The following CAST variants were observed in gnomAD, a reference collection of about 807,000 sequenced individuals.
The protein encoded by CAST is MIR583 host.
A neutral mutation model predicts 119.6 loss-of-function variants in CAST; 76 were observed. The ratio of observed to expected loss-of-function variants is 0.64; its 90% CI spans 0.53 to 0.77. CAST has a LOEUF of 0.77. Ranked by LOEUF, CAST falls within the 30% of genes least tolerant of loss-of-function variation. CAST has a pLI of 0.00. For missense variants in CAST, 953 were observed against 946.5 expected, an observed-to-expected ratio of 1.01 and a Z score of -0.09; for synonymous variants, 319 against 331.6, an observed-to-expected ratio of 0.96 and a Z score of 0.41.
the CAST span, among the ~76,000 whole-genome samples, chr5:96,431,442 C>G: frequency 6.6e-6 from 1 of 152,186 alleles, no homozygotes; most frequent in Non-Finnish European, 1.5e-5. Flanking sequence ...TCAAGTACAA[C>G]TTCTATGATT....
the CAST span, among the ~76,000 whole-genome samples, chr5:96,050,808 C>G: frequency 1.3e-5 from 2 of 152,140 alleles, no homozygotes; most frequent in Non-Finnish European, 2.9e-5. Flanking sequence ...AGTAGGAAGA[C>G]AAGGGAGACC....
Position 96,640,516 on chromosome 5 carries a change from C to T in CAST, c.61-35023C>T, listed in dbSNP as rs957094245. ...CATCAGGCCTTGTTCTTCAGCATGA[C>T]AAAATGTCCTGCTTCTTGCCTCTGT... On this transcript the variant is annotated intron_variant, in intron 1 of 11. Coordinates refer to the CAST transcript ENST00000505143. Among the ~76,000 whole-genome samples the T allele has an allele frequency of 4.6e-5, 7 of 152,156 alleles. No homozygotes were observed. In the South Asian group the frequency reaches 6.2e-4, roughly 14 times the overall value.
In CAST at chr5:96,750,800, C is replaced by G; in HGVS notation, c.1524+118C>G. On this transcript the variant is annotated intron_variant, in intron 20 of 31. Coordinates refer to ENST00000675179, the MANE Select transcript of CAST (RefSeq NM_001750.7). Reference sequence around the variant, plus strand: ...TATCCTGACAAATTAAAAATAAAATCTGATATCATTATAGTATCTGTTGTT... The same window carrying G: ...TATCCTGACAAATTAAAAATAAAATGTGATATCATTATAGTATCTGTTGTT... The G allele has an allele frequency of 8.8e-6, 5 of 566,826 alleles. No individual in the cohort carries two copies. The Middle Eastern group carries it at 1.4e-3, about 154-fold the overall frequency. The allele number at this position is 566,826 out of a possible 1,614,324, so 35.1% of individuals were successfully genotyped here. A position where few individuals can be genotyped will look rare whatever the true frequency, so the allele number is the denominator to read the frequency against.
intron 3 of CAST, among the ~76,000 whole-genome samples, chr5:96,720,079 G>T (rs1426384594): frequency 6.6e-6 from 1 of 152,146 alleles, no homozygotes; most frequent in African/African-American, 2.4e-5. Context: ...ATACGGGCAG[G>T]GACATGCCTA....
chr5:96,256,370 A>T, the CAST span, among the ~76,000 whole-genome samples: 1 of 147,414 alleles, frequency 6.8e-6, no homozygotes, highest in Non-Finnish European at 1.5e-5. Context: ...AATATACAGT[A>T]ATATATATAT....
intron 1 of CAST, among the ~76,000 whole-genome samples, chr5:96,568,622 C>T (rs1301689806): frequency 6.8e-6 from 1 of 146,066 alleles, no homozygotes; most frequent in Non-Finnish European, 1.5e-5. Context: ...ATCTTTAATA[C>T]TGAGGGAGTT....
At chr5:96,238,694 C>G in the CAST span, among the ~76,000 whole-genome samples, 14 of 152,114 alleles carry the variant, frequency 9.2e-5, no homozygotes, top group Non-Finnish European at 1.8e-4. Flanking sequence ...GCCACCGCGC[C>G]CAGCCTATAT....
At chr5:96,757,745 C>A in intron 24 of CAST, 91 bp downstream of exon 24, 1 of 811,220 alleles carries the variant, frequency 1.2e-6, no homozygotes. Context: ...GGCGGGAGTA[C>A]AGTGGTGCCA....
the CAST span, among the ~76,000 whole-genome samples, chr5:96,350,974 C>T: frequency 6.6e-6 from 1 of 152,232 alleles, no homozygotes; most frequent in Non-Finnish European, 1.5e-5. Context: ...ATGCATTTTT[C>T]TGTGGTCTGA....
chr5:96,638,266 C>A (rs534427444), intron 1 of CAST, among the ~76,000 whole-genome samples: 2 of 151,936 alleles, frequency 1.3e-5, no homozygotes, highest in African/African-American at 4.8e-5. Context: ...ATTAGCCAGC[C>A]GTGGTGGTAC....
the CAST span, among the ~76,000 whole-genome samples, chr5:96,285,015 G>A: frequency 6.6e-6 from 1 of 152,148 alleles, no homozygotes; most frequent in Admixed American, 6.5e-5. Context: ...TGTTTATACT[G>A]TCATAAATAA....
At chr5:96,517,689 C>T in the CAST span, among the ~76,000 whole-genome samples, 1 of 152,182 alleles carries the variant, frequency 6.6e-6, no homozygotes, top group African/African-American at 2.4e-5. Flanking sequence ...AAAACACCTT[C>T]AGGGAGAACC....
the CAST span, among the ~76,000 whole-genome samples, chr5:96,332,933 G>T: frequency 6.6e-6 from 1 of 152,152 alleles, no homozygotes; most frequent in Admixed American, 6.5e-5. Context: ...CTCCAGCCAG[G>T]TGGTTTCCTT....
the CAST span, among the ~76,000 whole-genome samples, chr5:96,058,148 A>G: frequency 6.6e-6 from 1 of 152,036 alleles, no homozygotes; most frequent in Non-Finnish European, 1.5e-5. Context: ...GAACCAAATC[A>G]CTGATTCTCT....
At chr5:96,168,538 C>T in the CAST span, among the ~76,000 whole-genome samples, 22 of 152,066 alleles carry the variant, frequency 1.4e-4, no homozygotes, top group Admixed American at 2.6e-4. Flanking sequence ...GGTAGTGGAG[C>T]GGGGCAGAGC....
At chr5:96,543,201 C>T (rs1024214076) in intron 1 of CAST, among the ~76,000 whole-genome samples, 1 of 152,076 alleles carries the variant, frequency 6.6e-6, no homozygotes, top group South Asian at 2.1e-4. Context: ...TACTATGCAG[C>T]CATAAAAAGA....
the CAST span, among the ~76,000 whole-genome samples, chr5:96,104,259 T>G: frequency 6.6e-6 from 1 of 152,232 alleles, no homozygotes; most frequent in Admixed American, 6.5e-5. Context: ...TTTGTCAATT[T>G]TGGCTTTTGT....
chr5:96,480,631 T>C, the CAST span, among the ~76,000 whole-genome samples: 2 of 152,114 alleles, frequency 1.3e-5, no homozygotes, highest in African/African-American at 2.4e-5. Flanking sequence ...GAGCAAGAAT[T>C]ACATGTAAGA....
At chr5:96,771,158 A>G (rs1410871300) in intron 30 of CAST, among the ~76,000 whole-genome samples, 1 of 152,214 alleles carries the variant, frequency 6.6e-6, no homozygotes, top group Non-Finnish European at 1.5e-5. Flanking sequence ...TATAGGAAAC[A>G]GCATTGATAA....
Sources: gnomAD v4.1 joint callset for allele counts (sites outside exome capture counted in the v4.1 genomes callset) on GRCh38, gnomAD v4.1.1 for gene constraint, MANE v1.5 for transcripts, NCBI Gene and HGNC (gene_info 2026-07-23, HGNC 2026-07-21) for gene names.